The following DOCK5 variants were observed in gnomAD, a reference collection of about 807,000 sequenced individuals.
DOCK5 encodes dedicator of cytokinesis 5, also known as dedicator of cytokinesis protein 5.
In DOCK5, 142 loss-of-function variants were observed where a neutral mutation model predicts 251.8. That is an observed-to-expected ratio of 0.56 (90% confidence interval 0.49 to 0.65). DOCK5 has a LOEUF of 0.65. Ranked by LOEUF, DOCK5 falls within the 30% of genes least tolerant of loss-of-function variation. The pLI is 0.00. For synonymous variants in DOCK5, 842 were observed against 835.5 expected (o/e 1.01, Z -0.13); for missense variants, 2,111 against 2,312.3 (o/e 0.91, Z 1.79).
At chr8:25,310,350 G>T in intron 12 of DOCK5, 57 bp from the exon 13 acceptor site, 4 of 1,513,710 alleles carry the variant, frequency 2.6e-6, no homozygotes, top group Non-Finnish European at 2.7e-6. Flanking sequence ...CACCAGTTAC[G>T]CATGTGTTTT....
In DOCK5 at chr8:25,401,055, G is replaced by T. The variant is rs750381126; in HGVS notation, c.4915G>T (p.Val1639Phe). Residue 1639 changes from valine to phenylalanine, a missense_variant, in exon 47 of 52, where the codon GTT becomes TTT. Around this residue, in one of 3 missense-constraint regions of DOCK5, gnomAD observed 1,717 missense variants for 1,892.4 expected, o/e 0.91. Coordinates refer to ENST00000276440, the MANE Select transcript of DOCK5 (RefSeq NM_024940.8). ...GGAGAAAGTAGAAAAGCACTATGGG[G>T]TTATAACACTGGTAAGCATGATCTA... ...LKEKVEKHYG[V>F]ITLPPNLTER... 9 of 1,613,882 alleles carry T rather than the reference G, an allele frequency of 5.6e-6. No homozygotes were observed. Among genetic ancestry groups the T allele is most frequent in the Non-Finnish European group, 6.8e-6 (8 of 1,179,880 alleles).
intron 2 of DOCK5, among the ~76,000 whole-genome samples, chr8:25,246,721 T>C (rs1322636802): frequency 4.0e-4 from 57 of 141,934 alleles, no homozygotes; most frequent in African/African-American, 8.6e-4. Flanking sequence ...TGTGTGTGTG[T>C]GTGTGTGTGT....
chr8:25,223,165 T>G (rs553943508), intron 1 of DOCK5, among the ~76,000 whole-genome samples: 4 of 152,286 alleles, frequency 2.6e-5, no homozygotes, highest in Admixed American at 6.5e-5. Context: ...TTAAAAAAAA[T>G]TTTTGAAATC....
At chr8:25,275,546 C>A in intron 4 of DOCK5, 105 bp downstream of exon 4, 1 of 1,158,534 alleles carries the variant, frequency 8.6e-7, no homozygotes, top group Non-Finnish European at 1.2e-6. Context: ...ATAGTTCTCT[C>A]ATCTCAGGCC....
rs913212213 is a variant in DOCK5, at chr8:25,415,472, C to T, written c.*4174C>T. On this transcript the variant is annotated 3_prime_UTR_variant, in exon 52 of 52. Coordinates refer to ENST00000276440, the MANE Select transcript of DOCK5 (RefSeq NM_024940.8). Reference sequence around the variant, plus strand: ...CTACAAAAGGAAATTCATGATTTCACTCTGACGCCTAGGATCTAGCCAAGG... The same window carrying T: ...CTACAAAAGGAAATTCATGATTTCATTCTGACGCCTAGGATCTAGCCAAGG... 2.6e-5 allele frequency: 4 copies of T among 152,198 alleles called. No individual in the cohort carries two copies. The highest frequency in any genetic ancestry group is 9.6e-5 in the African/African-American group (4 of 41,456). 9.4% of individuals were successfully genotyped at this position (152,198 alleles called of 1,614,324 possible).
At chr8:25,227,993 T>C (rs1363033746) in intron 1 of DOCK5, among the ~76,000 whole-genome samples, 1 of 152,078 alleles carries the variant, frequency 6.6e-6, no homozygotes, top group Non-Finnish European at 1.5e-5. Flanking sequence ...CCAGTGATCC[T>C]CCCACCTCAG....
chr8:25,299,160 AC>A, intron 8 of DOCK5, 59 bp downstream of exon 8: 6 of 1,564,904 alleles, frequency 3.8e-6, no homozygotes, highest in Non-Finnish European at 5.2e-6. Context: ...CCTTCCCCTG[AC>A]CCCTACCCGG....
Position 25,275,407 on chromosome 8 carries a change from A to G in DOCK5, c.190A>G (p.Ile64Val). The G allele has an allele frequency of 6.8e-6, 11 of 1,609,216 alleles. No individual in the cohort carries two copies. The highest frequency in any genetic ancestry group is 9.3e-6 in the Non-Finnish European group (11 of 1,178,684). The change falls in exon 4 of 52, where the codon ATC (isoleucine) becomes GTC (valine). Residue 64 changes from isoleucine to valine, a missense_variant. By Grantham distance (29) the Ile-to-Val change is conservative (BLOSUM62 3). Around this residue, in one of 3 missense-constraint regions of DOCK5, gnomAD observed 335 missense variants for 324.9 expected, o/e 1.03. Coordinates refer to ENST00000276440, the MANE Select transcript of DOCK5 (RefSeq NM_024940.8). ...SKKGIFPETY[I>V]HLKEATVEDL... ...GTAGGGCATTTTCCCTGAAACATAT[A>G]TCCATTTGAAAGAGGCAACTGTGGA...
chr8:25,332,204 C>T (rs765301930), intron 18 of DOCK5, 47 bp from the exon 19 acceptor site: 2 of 1,446,244 alleles, frequency 1.4e-6, no homozygotes, highest in East Asian at 4.6e-5. Context: ...CTGAAATGGT[C>T]TGGGTTGTTC....
At chr8:25,239,093 A>G (rs1453051862) in intron 1 of DOCK5, among the ~76,000 whole-genome samples, 7 of 152,164 alleles carry the variant, frequency 4.6e-5, no homozygotes, top group African/African-American at 1.7e-4. Context: ...TGAGATTTGG[A>G]TTGTTACAAA....
At chr8:25,376,481 A>T (rs1800966146) in intron 37 of DOCK5, 2 of 629,602 alleles carry the variant, frequency 3.2e-6, no homozygotes, top group South Asian at 7.2e-5. Context: ...TGTATTAATT[A>T]TTAATTCTTG....
At chr8:25,410,473 G>T (rs537508375) in intron 51 of DOCK5, among the ~76,000 whole-genome samples, 16 of 151,742 alleles carry the variant, frequency 1.1e-4, no homozygotes, top group Non-Finnish European at 2.2e-4. Flanking sequence ...ACCTTTTTAG[G>T]GGGGCGGGGG....
chr8:25,275,592 T>C (rs1430545516), intron 4 of DOCK5, among the ~76,000 whole-genome samples, 151 bp downstream of exon 4: 1 of 152,180 alleles, frequency 6.6e-6, no homozygotes, highest in Non-Finnish European at 1.5e-5. Flanking sequence ...CCCAGCACTT[T>C]GGGAGACCGA....
chr8:25,281,402 G>T (rs1804188205), intron 5 of DOCK5, among the ~76,000 whole-genome samples: 1 of 148,290 alleles, frequency 6.7e-6, no homozygotes, highest in South Asian at 2.1e-4. Context: ...TCACACTGTT[G>T]CACTTCAGCC....
At chr8:25,404,644 C>G (rs933604721) in intron 48 of DOCK5, among the ~76,000 whole-genome samples, 2 of 152,030 alleles carry the variant, frequency 1.3e-5, no homozygotes, top group African/African-American at 4.8e-5. Flanking sequence ...TATTCAGTTG[C>G]TTTCACTCTA....
At chr8:25,297,727 C>T (rs962189530) in intron 7 of DOCK5, among the ~76,000 whole-genome samples, 6 of 152,188 alleles carry the variant, frequency 3.9e-5, no homozygotes, top group African/African-American at 1.4e-4. Context: ...GTTTGAAAGA[C>T]TTCAAAGGTA....
chr8:25,380,768 A>G (rs1183938727), intron 39 of DOCK5, among the ~76,000 whole-genome samples: 1 of 152,218 alleles, frequency 6.6e-6, no homozygotes, highest in Non-Finnish European at 1.5e-5. Context: ...AGCCATCAGT[A>G]AAGCAAAACA....
Position 25,406,772 on chromosome 8 carries a change from C to T in DOCK5, c.5094-1211C>T, listed in dbSNP as rs534055229. 2.3e-4 allele frequency among the ~76,000 whole-genome samples: 35 copies of T among 151,872 alleles called. No individual in the cohort carries two copies. The South Asian group carries it at 2.9e-3, about 13-fold the overall frequency. ...CCTCTTGAGTAGCTGGGACTACAGGCGCCCACCACCACGCCTGGTGAAGTT... is the reference window on the plus strand; with the variant it reads ...CCTCTTGAGTAGCTGGGACTACAGGTGCCCACCACCACGCCTGGTGAAGTT... On this transcript the variant is annotated intron_variant, in intron 48 of 51. Transcript: ENST00000276440.
chr8:25,259,830 A>C (rs1283825853), intron 2 of DOCK5, among the ~76,000 whole-genome samples: 5 of 152,182 alleles, frequency 3.3e-5, no homozygotes, highest in Non-Finnish European at 7.3e-5. Flanking sequence ...GGCTATCTCA[A>C]ATCCACAAAA....
Sources: allele counts gnomAD v4.1 joint callset (sites outside exome capture counted in the v4.1 genomes callset), GRCh38; gene constraint gnomAD v4.1.1; regional missense constraint gnomAD v4.1.1; transcripts MANE v1.5; gene names NCBI Gene and HGNC (gene_info 2026-07-23, HGNC 2026-07-21).